BANK1: variants seen among roughly 807,000 people sequenced by gnomAD.
BANK1 encodes the protein B-cell scaffold protein with ankyrin repeats.
In BANK1, 95 loss-of-function variants were observed where a neutral mutation model predicts 94.5. The ratio of observed to expected loss-of-function variants is 1.00; its 90% CI spans 0.85 to 1.19. The LOEUF (loss-of-function observed/expected upper bound fraction) is 1.19, where lower values mean the gene tolerates loss of function less well. Among genes scored for constraint, BANK1 ranks in the 50% most tolerant of loss-of-function variants. The probability of loss-of-function intolerance (pLI) is 0.00; values close to 1 mark genes in which losing one functional copy is unlikely to be tolerated. For synonymous variants in BANK1, 334 were observed against 308.4 expected, an observed-to-expected ratio of 1.08 and a Z score of -0.87; for missense variants, 987 against 932.2, an observed-to-expected ratio of 1.06 and a Z score of -0.77.
Position 101,903,553 on chromosome 4 carries a change from C to T in BANK1, c.1009+8143C>T, listed in dbSNP as rs984070011. Among the ~76,000 whole-genome samples the T allele has an allele frequency of 4.6e-5, 7 of 152,140 alleles. No individual in the cohort carries two copies. In the South Asian group the frequency reaches 8.3e-4, roughly 18 times the overall value. Reference sequence around the variant, plus strand: ...TTGAAAAAATTAGCAAATCTAGAGTCTTCTCTGGATCTATTCAATTTATTT... The same window carrying T: ...TTGAAAAAATTAGCAAATCTAGAGTTTTCTCTGGATCTATTCAATTTATTT... On this transcript the variant is annotated intron_variant, in intron 6 of 16. Transcript: ENST00000322953.
At chr4:102,064,783 G>A (rs1182549781) in intron 13 of BANK1, among the ~76,000 whole-genome samples, 1 of 152,204 alleles carries the variant, frequency 6.6e-6, no homozygotes, top group Non-Finnish European at 1.5e-5. Context: ...GTACTCCTGA[G>A]GTGGGTCTCA....
chr4:101,887,415 A>G (rs937702316), intron 5 of BANK1, among the ~76,000 whole-genome samples: 1 of 152,252 alleles, frequency 6.6e-6, no homozygotes, highest in African/African-American at 2.4e-5. Context: ...TGCTAGACTT[A>G]CATGCTCTTC....
At chr4:102,016,093 T>C (rs1402669072) in intron 7 of BANK1, among the ~76,000 whole-genome samples, 2 of 152,216 alleles carry the variant, frequency 1.3e-5, no homozygotes, top group African/African-American at 4.8e-5. Context: ...CATCCTTTTC[T>C]TTGCAGATTA....
intron 10 of BANK1, among the ~76,000 whole-genome samples, chr4:102,035,133 A>G (rs777128590): frequency 6.6e-6 from 1 of 152,198 alleles, no homozygotes; most frequent in Non-Finnish European, 1.5e-5. Context: ...TCAGAAGACT[A>G]TATCAGTCTA....
At chr4:101,869,268 C>T (rs957472758) in intron 4 of BANK1, among the ~76,000 whole-genome samples, 1 of 151,818 alleles carries the variant, frequency 6.6e-6, no homozygotes, top group African/African-American at 2.4e-5. Flanking sequence ...TTTATAAAAT[C>T]TACTGAAATT....
chr4:101,966,706 A>G (rs1724774597), intron 7 of BANK1, among the ~76,000 whole-genome samples: 1 of 152,094 alleles, frequency 6.6e-6, no homozygotes, highest in Non-Finnish European at 1.5e-5. Flanking sequence ...CCAAGTGAGA[A>G]TAAATCACAT....
chr4:101,901,296 C>T lies in BANK1; in HGVS notation c.1009+5886C>T, dbSNP rs936100898. Among the ~76,000 whole-genome samples, 7 of 152,078 alleles carry T rather than the reference C, an allele frequency of 4.6e-5. No homozygotes were observed. The South Asian group carries it at 8.3e-4, about 18-fold the overall frequency. ...CCAAATATATAAAGCCACAAAATAT[C>T]TAAAAACAGATGGGAATGCAGACTG... On this transcript the variant is annotated intron_variant, in intron 6 of 16. Transcript: ENST00000322953.
chr4:101,903,464 G>T (rs574301889), intron 6 of BANK1, among the ~76,000 whole-genome samples: 3 of 152,254 alleles, frequency 2.0e-5, no homozygotes, highest in South Asian at 4.1e-4. Context: ...ATTAGTATGT[G>T]GAAGAAAAAG....
intron 10 of BANK1, among the ~76,000 whole-genome samples, chr4:102,034,992 G>T (rs956880419): frequency 2.6e-5 from 4 of 152,058 alleles, no homozygotes; most frequent in Non-Finnish European, 5.9e-5. Context: ...TGTATCTCTG[G>T]TGCCAAGATC....
In BANK1 at chr4:101,961,978, G is replaced by A. The variant is rs976154493; in HGVS notation, c.1206+43789G>A. Among the ~76,000 whole-genome samples the A allele has an allele frequency of 7.2e-5, 11 of 152,084 alleles. No homozygotes were observed. The East Asian group carries it at 1.3e-3, about 19-fold the overall frequency. On this transcript the variant is annotated intron_variant, in intron 7 of 16. Transcript: ENST00000322953. Reference sequence around the variant, plus strand: ...CAGGAATAATTTCACTGTCACTGCCGTTTCATTCTTCTAATTTCAGTTCAT... The same window carrying A: ...CAGGAATAATTTCACTGTCACTGCCATTTCATTCTTCTAATTTCAGTTCAT...
intron 1 of BANK1, among the ~76,000 whole-genome samples, chr4:101,812,770 C>A (rs1414231259): frequency 6.6e-6 from 1 of 151,840 alleles, no homozygotes; most frequent in African/African-American, 2.4e-5. Context: ...CAAAGCAACC[C>A]CACCAGGAAT....
At chr4:101,913,663 G>A (rs1215265604) in intron 6 of BANK1, among the ~76,000 whole-genome samples, 5 of 152,032 alleles carry the variant, frequency 3.3e-5, no homozygotes, top group African/African-American at 4.8e-5. Context: ...AGCATCTTTC[G>A]CCACCTGCCA....
At chr4:101,809,205 A>G (rs1189181391) in intron 1 of BANK1, among the ~76,000 whole-genome samples, 4 of 152,174 alleles carry the variant, frequency 2.6e-5, no homozygotes, top group Admixed American at 2.0e-4. Context: ...AGCAAACTCG[A>G]TGGAGCTGGA....
intron 7 of BANK1, among the ~76,000 whole-genome samples, chr4:102,007,450 G>A (rs1726344513): frequency 6.6e-6 from 1 of 151,570 alleles, no homozygotes; most frequent in Admixed American, 6.6e-5. Context: ...TGAAATGTTG[G>A]CTAAAAATTC....
intron 5 of BANK1, among the ~76,000 whole-genome samples, chr4:101,882,808 G>A (rs1293483668): frequency 6.6e-6 from 1 of 151,240 alleles, no homozygotes; most frequent in Non-Finnish European, 1.5e-5. Flanking sequence ...TCTCTATTCT[G>A]GAAGATCGAC....
At chr4:101,914,053 A>G (rs1279724291) in intron 6 of BANK1, among the ~76,000 whole-genome samples, 1 of 152,202 alleles carries the variant, frequency 6.6e-6, no homozygotes, top group Non-Finnish European at 1.5e-5. Context: ...TTTCAAAGAA[A>G]TTATCTGAGA....
chr4:101,892,513 G>C (rs1292025161), intron 5 of BANK1, among the ~76,000 whole-genome samples: 2 of 148,682 alleles, frequency 1.3e-5, no homozygotes, highest in Non-Finnish European at 3.0e-5. Context: ...ACAGATGCAT[G>C]TATGCATGTA....
intron 7 of BANK1, among the ~76,000 whole-genome samples, chr4:101,962,281 T>G (rs1426240465): frequency 6.6e-6 from 1 of 152,086 alleles, no homozygotes; most frequent in African/African-American, 2.4e-5. Flanking sequence ...AGACCAAGTT[T>G]TCCCCCATTG....
At chr4:101,851,183 C>G (rs1727461388) in intron 2 of BANK1, among the ~76,000 whole-genome samples, 1 of 152,132 alleles carries the variant, frequency 6.6e-6, no homozygotes, top group African/African-American at 2.4e-5. Context: ...AAGTGCTACT[C>G]CAGTGAACAC....
Sources: allele counts gnomAD v4.1 joint callset (sites outside exome capture counted in the v4.1 genomes callset), GRCh38; gene constraint gnomAD v4.1.1; transcripts MANE v1.5; gene names NCBI Gene and HGNC (gene_info 2026-07-23, HGNC 2026-07-21).